The following FBXO4 variants were observed in gnomAD, a reference collection of about 807,000 sequenced individuals.
The protein encoded by FBXO4 is F-box only protein 4.
FBXO4 carries 36 observed loss-of-function variants against 43.7 expected under a neutral mutation model. The observed-to-expected ratio is 0.82, with a 90% CI of 0.63 to 1.09. The LOEUF (loss-of-function observed/expected upper bound fraction) is 1.09. FBXO4 is among the 50% of genes least tolerant of loss of function. FBXO4 has a pLI of 0.00. For missense variants in FBXO4, 435 were observed against 474.1 expected (o/e 0.92, Z 0.77); for synonymous variants, 180 against 165.6 (o/e 1.09, Z -0.67).
At chr5:42,016,333 G>A in the FBXO4 span, among the ~76,000 whole-genome samples, 1 of 151,948 alleles carries the variant, frequency 6.6e-6, no homozygotes, top group South Asian at 2.1e-4. Flanking sequence ...GGAGAAAGAT[G>A]CAGAAGGAAA....
chr5:41,989,046 C>T, the FBXO4 span, among the ~76,000 whole-genome samples: 764 of 152,024 alleles, frequency 5.0e-3, 6 homozygotes, highest in African/African-American at 0.018. Context: ...TAATTGAAGT[C>T]ATTTGGGGCA....
the FBXO4 span, among the ~76,000 whole-genome samples, chr5:42,025,033 A>G: frequency 2.0e-5 from 3 of 151,912 alleles, no homozygotes; most frequent in African/African-American, 7.2e-5. Context: ...TATCTCTTCA[A>G]TATATTGATT....
chr5:42,031,993 G>A, the FBXO4 span, among the ~76,000 whole-genome samples: 1 of 151,528 alleles, frequency 6.6e-6, no homozygotes, highest in African/African-American at 2.4e-5. Flanking sequence ...AGAGACTCTT[G>A]TTCTCTTCCC....
At chr5:42,000,149 A>AT in the FBXO4 span, among the ~76,000 whole-genome samples, 1 of 152,204 alleles carries the variant, frequency 6.6e-6, no homozygotes, top group Non-Finnish European at 1.5e-5. Flanking sequence ...AAATGGCAGA[A>AT]TTTATTTCTT....
chr5:42,000,114 T>C, the FBXO4 span, among the ~76,000 whole-genome samples: 27 of 152,330 alleles, frequency 1.8e-4, no homozygotes, highest in South Asian at 4.3e-3. Flanking sequence ...TAGCAAAATG[T>C]CTCTAGGTTC....
chr5:41,954,302 T>C, the FBXO4 span, among the ~76,000 whole-genome samples: 2 of 152,186 alleles, frequency 1.3e-5, no homozygotes, highest in Non-Finnish European at 2.9e-5. Context: ...TTTTAAAGAG[T>C]AAAAACTTTA....
chr5:41,955,887 G>C, the FBXO4 span, among the ~76,000 whole-genome samples: 1 of 152,136 alleles, frequency 6.6e-6, no homozygotes, highest in Non-Finnish European at 1.5e-5. Context: ...GAAGTGGTTG[G>C]CCTCGGTAGT....
the FBXO4 span, among the ~76,000 whole-genome samples, chr5:42,032,299 C>G: frequency 2.0e-5 from 3 of 152,108 alleles, no homozygotes; most frequent in South Asian, 6.2e-4. Context: ...CCAGGAAGGC[C>G]TATGTCCTCC....
the FBXO4 span, among the ~76,000 whole-genome samples, chr5:42,020,728 T>C: frequency 1.3e-5 from 2 of 152,166 alleles, no homozygotes; most frequent in Non-Finnish European, 2.9e-5. Context: ...CTTCAACTTA[T>C]GTCTCATGGG....
At chr5:41,950,059 T>C in the FBXO4 span, among the ~76,000 whole-genome samples, 1 of 152,098 alleles carries the variant, frequency 6.6e-6, no homozygotes, top group East Asian at 1.9e-4. Flanking sequence ...TATACAAAAA[T>C]TAACTCAAGA....
chr5:42,037,294 G>A, the FBXO4 span, among the ~76,000 whole-genome samples: 2 of 151,982 alleles, frequency 1.3e-5, no homozygotes, highest in African/African-American at 4.8e-5. Flanking sequence ...GTTATGAGCA[G>A]GTATGTTTCT....
chr5:42,038,464 A>T, the FBXO4 span, among the ~76,000 whole-genome samples: 3 of 152,018 alleles, frequency 2.0e-5, no homozygotes. Flanking sequence ...TGTTTTTAAA[A>T]TTTTTATGTT....
At chr5:41,980,359 AT>A in the FBXO4 span, among the ~76,000 whole-genome samples, 1 of 152,186 alleles carries the variant, frequency 6.6e-6, no homozygotes, top group African/African-American at 2.4e-5. Context: ...TCATTTCTCC[AT>A]ATTCCAGGAT....
chr5:41,982,848 C>T, the FBXO4 span, among the ~76,000 whole-genome samples: 1 of 152,080 alleles, frequency 6.6e-6, no homozygotes, highest in South Asian at 2.1e-4. Flanking sequence ...GGTAATTCTC[C>T]TAATGCTATC....
At chr5:41,981,438 A>T in the FBXO4 span, among the ~76,000 whole-genome samples, 1 of 150,980 alleles carries the variant, frequency 6.6e-6, no homozygotes, top group Admixed American at 6.6e-5. Flanking sequence ...AAAATAGAAG[A>T]TTATGGATTT....
At chr5:41,938,201 A>G (rs1751900869) in intron 5 of FBXO4, among the ~76,000 whole-genome samples, 2 of 152,230 alleles carry the variant, frequency 1.3e-5, no homozygotes, top group Admixed American at 1.3e-4. Flanking sequence ...TTAAAGAAAA[A>G]TATGTGATAT....
the FBXO4 span, among the ~76,000 whole-genome samples, chr5:41,948,012 C>T: frequency 6.6e-6 from 1 of 152,030 alleles, no homozygotes; most frequent in Admixed American, 6.6e-5. Context: ...CTGCAATGTC[C>T]GATCTGATTA....
the FBXO4 span, among the ~76,000 whole-genome samples, chr5:41,955,385 G>A: frequency 2.6e-5 from 4 of 152,030 alleles, no homozygotes; most frequent in African/African-American, 9.7e-5. Flanking sequence ...AATTTGGAGG[G>A]AGCAGATTTA....
the FBXO4 span, among the ~76,000 whole-genome samples, chr5:42,018,047 A>G: frequency 5.5e-3 from 842 of 151,730 alleles, 30 homozygotes; most frequent in East Asian, 0.1. Flanking sequence ...CAGAACCTCA[A>G]TGGGAGACTC....
Sources: allele counts gnomAD v4.1 joint callset (sites outside exome capture counted in the v4.1 genomes callset), GRCh38; gene constraint gnomAD v4.1.1; transcripts MANE v1.5; gene names NCBI Gene and HGNC (gene_info 2026-07-23, HGNC 2026-07-21).